GMPR: variants seen among roughly 807,000 people sequenced by gnomAD.
The protein encoded by GMPR is GMP reductase 1.
Under a neutral mutation model 38.4 loss-of-function variants are expected in GMPR, and 31 were observed. The ratio of observed to expected loss-of-function variants is 0.81; its 90% CI spans 0.61 to 1.09. The LOEUF (loss-of-function observed/expected upper bound fraction) is 1.09. GMPR is among the 50% of genes least tolerant of loss of function. The pLI, the probability that GMPR is intolerant of heterozygous loss-of-function variation, is 0.00. For synonymous variants in GMPR, 162 were observed against 173.3 expected (o/e 0.93, Z 0.51); for missense variants, 468 against 453.7 (o/e 1.03, Z -0.29).
At chr6:16,245,864 G>A (rs1267863653) in intron 1 of GMPR, among the ~76,000 whole-genome samples, 2 of 152,180 alleles carry the variant, frequency 1.3e-5, no homozygotes, top group East Asian at 3.9e-4. Flanking sequence ...AGGCCCGGAG[G>A]CAACCCAGCT....
At chr6:16,285,637 A>AGAC (rs1439241672) in intron 6 of GMPR, among the ~76,000 whole-genome samples, 156 bp from the exon 7 acceptor site, 1 of 152,212 alleles carries the variant, frequency 6.6e-6, no homozygotes, top group Non-Finnish European at 1.5e-5. Flanking sequence ...ACACTCGATC[A>AGAC]GACAACAACA....
Position 16,265,817 on chromosome 6 carries a change from C to T in GMPR, c.466-8598C>T, listed in dbSNP as rs375637644. On this transcript the variant is annotated intron_variant, in intron 4 of 8. Transcript: ENST00000259727. The stretch of plus-strand genomic sequence containing the variant: ...CCGGATAACCCACTCCGGAACCCTT[C>T]CACGCCATGGAGGTTTTCTTCGTTC... Among the ~76,000 whole-genome samples, 3 of 152,230 alleles carry T rather than the reference C, an allele frequency of 2.0e-5. No individual in the cohort carries two copies. In the East Asian group the frequency reaches 5.8e-4, roughly 29 times the overall value.
chr6:16,260,865 G>A (rs1759070144), intron 4 of GMPR, among the ~76,000 whole-genome samples: 1 of 152,012 alleles, frequency 6.6e-6, no homozygotes, highest in African/African-American at 2.4e-5. Context: ...GGAATAACGT[G>A]GGAGGGTGGA....
intron 8 of GMPR, 93 bp from the exon 9 acceptor site, chr6:16,294,913 C>T: frequency 2.0e-6 from 2 of 981,306 alleles, no homozygotes; most frequent in Non-Finnish European, 3.1e-6. Context: ...GCCTTGGGGG[C>T]TACAGAAAGT....
At chr6:16,287,866 C>T (rs940176614) in intron 7 of GMPR, among the ~76,000 whole-genome samples, 7 of 152,180 alleles carry the variant, frequency 4.6e-5, no homozygotes, top group African/African-American at 1.4e-4. Flanking sequence ...TGAACTGTAA[C>T]GCCAATGAAA....
chr6:16,275,497 A>T (rs1018760867), intron 5 of GMPR, among the ~76,000 whole-genome samples: 3 of 152,212 alleles, frequency 2.0e-5, no homozygotes, highest in Non-Finnish European at 4.4e-5. Flanking sequence ...TTTAACATAC[A>T]GGGAGATTTT....
chr6:16,239,597 A>G (rs1758606810), intron 1 of GMPR, among the ~76,000 whole-genome samples: 1 of 152,190 alleles, frequency 6.6e-6, no homozygotes, highest in Non-Finnish European at 1.5e-5. Context: ...TGAGAGCTGG[A>G]GAGGAAGGTG....
At chr6:16,266,218 T>C (rs1159326778) in intron 4 of GMPR, among the ~76,000 whole-genome samples, 2 of 150,106 alleles carry the variant, frequency 1.3e-5, no homozygotes, top group South Asian at 4.2e-4. Context: ...CTGCGAAGAA[T>C]GAAGAACGCC....
intron 6 of GMPR, 122 bp from the exon 7 acceptor site, chr6:16,285,671 C>T (rs117958539): frequency 9.2e-6 from 7 of 759,442 alleles, no homozygotes; most frequent in African/African-American, 1.7e-5. Flanking sequence ...AACTTGGGCC[C>T]GTGGGCTTGC....
At chr6:16,239,387 G>A (rs556849033) in intron 1 of GMPR, among the ~76,000 whole-genome samples, 3 of 152,214 alleles carry the variant, frequency 2.0e-5, no homozygotes, top group Non-Finnish European at 2.9e-5. Flanking sequence ...AAAGCTTTGG[G>A]GTGAGAGAGG....
At chr6:16,252,976 C>T (rs984192636) in intron 3 of GMPR, among the ~76,000 whole-genome samples, 4 of 152,206 alleles carry the variant, frequency 2.6e-5, no homozygotes, top group Non-Finnish European at 4.4e-5. Context: ...TCATATGTGG[C>T]CCAGGGTTTA....
chr6:16,252,275 T>C, intron 3 of GMPR, among the ~76,000 whole-genome samples: 1 of 152,204 alleles, frequency 6.6e-6, no homozygotes, highest in Non-Finnish European at 1.5e-5. Context: ...TTTTTTTTGT[T>C]TGAGGCAGAG....
At chr6:16,268,215 C>G (rs1759306418) in intron 4 of GMPR, among the ~76,000 whole-genome samples, 1 of 152,188 alleles carries the variant, frequency 6.6e-6, no homozygotes, top group Non-Finnish European at 1.5e-5. Flanking sequence ...ATAATAAACT[C>G]AGTTTAACAT....
At chr6:16,293,048 A>G (rs568534634) in intron 8 of GMPR, among the ~76,000 whole-genome samples, 128 of 151,922 alleles carry the variant, frequency 8.4e-4, no homozygotes, top group Non-Finnish European at 1.5e-3. Flanking sequence ...CTTAGTTTTC[A>G]GCCCGTGACC....
intron 7 of GMPR, 42 bp downstream of exon 7, chr6:16,285,877 G>A: frequency 6.6e-7 from 1 of 1,526,592 alleles, no homozygotes. Context: ...AGGAAGGAAG[G>A]AGGGAGCTCC....
At position 16,288,420 on chromosome 6, in the gene GMPR, G is replaced by C. The variant is rs546035699; in HGVS notation, c.698-2042G>C. On this transcript the variant is annotated intron_variant, in intron 7 of 8. Transcript: ENST00000259727. ...CCGGGCCAGCAGCTGCGGAGGGTGT[G>C]CTGGGTCCTCCAGCAGTGCCAGCCC... 2.6e-5 allele frequency among the ~76,000 whole-genome samples: 4 copies of C among 152,356 alleles called. No homozygotes were observed. The East Asian group carries it at 7.7e-4, about 29-fold the overall frequency.
At chr6:16,283,035 C>T (rs1193108840) in intron 6 of GMPR, among the ~76,000 whole-genome samples, 1 of 152,142 alleles carries the variant, frequency 6.6e-6, no homozygotes, top group Non-Finnish European at 1.5e-5. Context: ...TCTTGAACTC[C>T]TGACCCTAGG....
chr6:16,290,214 C>T lies in GMPR; in HGVS notation c.698-248C>T. Reference sequence around the variant, plus strand: ...CCATTAAAAGCCATTCAGCATGGTCCAGTATATGGGACACTAGCCTTCAGT... The same window carrying T: ...CCATTAAAAGCCATTCAGCATGGTCTAGTATATGGGACACTAGCCTTCAGT... On this transcript the variant is annotated intron_variant, in intron 7 of 8. Coordinates refer to ENST00000259727, the MANE Select transcript of GMPR (RefSeq NM_006877.4). The T allele has an allele frequency of 8.2e-6, 4 of 485,954 alleles. No individual in the cohort carries two copies. The South Asian group carries it at 1.1e-4, about 14-fold the overall frequency. The allele number at this position is 485,954 out of a possible 1,614,324, so 30.1% of individuals were successfully genotyped here. A position where few individuals can be genotyped will look rare whatever the true frequency, so the allele number is the denominator to read the frequency against.
intron 8 of GMPR, among the ~76,000 whole-genome samples, chr6:16,292,999 G>A (rs1258418194): frequency 6.6e-6 from 1 of 151,470 alleles, no homozygotes; most frequent in Non-Finnish European, 1.5e-5. Context: ...GGCTGCACCT[G>A]TCTTACCTCT....
Sources: allele counts gnomAD v4.1 joint callset (sites outside exome capture counted in the v4.1 genomes callset), GRCh38; gene constraint gnomAD v4.1.1; transcripts MANE v1.5; gene names NCBI Gene and HGNC (gene_info 2026-07-23, HGNC 2026-07-21).